Variants in TTC17 observed in about 807,000 individuals in gnomAD.
TTC17 encodes tetratricopeptide repeat domain 17.
A neutral mutation model predicts 143.8 loss-of-function variants in TTC17; 58 were observed. The ratio of observed to expected loss-of-function variants is 0.40; its 90% CI spans 0.33 to 0.50. The LOEUF is 0.50. TTC17 is among the 20% of genes least tolerant of loss of function. TTC17 has a pLI of 0.49. For synonymous variants in TTC17, 501 were observed against 497.8 expected, an observed-to-expected ratio of 1.01 and a Z score of -0.09; for missense variants, 1,273 against 1,392.5, an observed-to-expected ratio of 0.91 and a Z score of 1.37.
chr11:43,436,484 A>G, intron 16 of TTC17: 1 of 634,986 alleles, frequency 1.6e-6, no homozygotes, highest in South Asian at 8.3e-5. Flanking sequence ...GTGGTGAGGC[A>G]GAAGACAAGC....
intron 21 of TTC17, chr11:43,466,615 T>C: frequency 3.3e-6 from 1 of 307,650 alleles, no homozygotes; most frequent in Non-Finnish European, 6.6e-6. Flanking sequence ...GGCAAGTCCA[T>C]CTACGGGGAT....
chr11:43,437,037 T>C (rs1947308604), intron 16 of TTC17, among the ~76,000 whole-genome samples: 1 of 152,210 alleles, frequency 6.6e-6, no homozygotes, highest in Non-Finnish European at 1.5e-5. Flanking sequence ...CAAATACCCT[T>C]GACTACACCA....
At chr11:43,441,852 C>G (rs1947428652) in intron 16 of TTC17, among the ~76,000 whole-genome samples, 1 of 152,148 alleles carries the variant, frequency 6.6e-6, no homozygotes, top group African/African-American at 2.4e-5. Context: ...ATGGTAGGAG[C>G]ACAAGGAAGC....
intron 21 of TTC17, among the ~76,000 whole-genome samples, chr11:43,477,773 A>G (rs572928234): frequency 1.3e-5 from 2 of 152,358 alleles, no homozygotes; most frequent in Admixed American, 1.3e-4. Flanking sequence ...CAATGTAGAT[A>G]TAATTAAAAG....
rs549073494 is a variant in TTC17 at position 43,455,630 on chromosome 11, T to G, written c.3030+4365T>G. Among the ~76,000 whole-genome samples the G allele has an allele frequency of 3.9e-5, 6 of 152,072 alleles. No individual in the cohort carries two copies. In the East Asian group the frequency reaches 7.7e-4, roughly 20 times the overall value. ...AATAATATTTTTTAGAAAACTACAA[T>G]GCAGAAAAAATGCTGCACTGTAGTT... On this transcript the variant is annotated intron_variant, in intron 21 of 23. Coordinates refer to ENST00000039989, the MANE Select transcript of TTC17 (RefSeq NM_018259.6).
At chr11:43,450,279 C>T (rs895898716) in intron 20 of TTC17, 38 bp downstream of exon 20, 2 of 1,592,884 alleles carry the variant, frequency 1.3e-6, no homozygotes, top group Non-Finnish European at 1.7e-6. Context: ...TTTTTAGCCT[C>T]ACAGTTAGGA....
chr11:43,392,157 C>T (rs1366483863), intron 5 of TTC17, among the ~76,000 whole-genome samples: 1 of 152,138 alleles, frequency 6.6e-6, no homozygotes, highest in Non-Finnish European at 1.5e-5. Context: ...GGAAGAGATG[C>T]TGGAAAGTTT....
intron 2 of TTC17, among the ~76,000 whole-genome samples, chr11:43,381,438 C>CAGT (rs1160550434): frequency 6.6e-6 from 1 of 152,080 alleles, no homozygotes; most frequent in Non-Finnish European, 1.5e-5. Context: ...AGGGAGCTGA[C>CAGT]AGTATTCCAT....
At chr11:43,455,926 C>T (rs956059908) in intron 21 of TTC17, among the ~76,000 whole-genome samples, 9 of 152,080 alleles carry the variant, frequency 5.9e-5, no homozygotes, top group Non-Finnish European at 1.2e-4. Context: ...TAACCTATTT[C>T]TCTTGTTAAC....
chr11:43,381,361 C>T (rs985452802), intron 2 of TTC17, among the ~76,000 whole-genome samples: 12 of 152,138 alleles, frequency 7.9e-5, no homozygotes, highest in East Asian at 3.9e-4. Flanking sequence ...CCAAAGCTAC[C>T]GACCTTTTGG....
chr11:43,409,927 C>T (rs750986054), intron 15 of TTC17, among the ~76,000 whole-genome samples: 14 of 151,544 alleles, frequency 9.2e-5, no homozygotes, highest in African/African-American at 1.7e-4. Flanking sequence ...CTGCAAGCTT[C>T]GCCACCCAGG....
Position 43,405,965 on chromosome 11 carries a change from A to T in TTC17, c.1761+14A>T, listed in dbSNP as rs371414444. 10 of 1,608,474 alleles carry T rather than the reference A, an allele frequency of 6.2e-6. No homozygotes were observed. Among genetic ancestry groups the T allele is most frequent in the Non-Finnish European group, 8.5e-6 (10 of 1,178,398 alleles). ...CATGCACGAAAAGTAAGGCTCACTT[A>T]GGCTGGTATTTATTGCCGTCCATTC... On this transcript the variant is annotated intron_variant, in intron 13 of 23. Transcript: ENST00000039989.
At chr11:43,427,117 A>G (rs1947047495) in intron 16 of TTC17, among the ~76,000 whole-genome samples, 1 of 152,186 alleles carries the variant, frequency 6.6e-6, no homozygotes, top group East Asian at 1.9e-4. Context: ...ACCTATACCA[A>G]TGCAAAGGAC....
intron 15 of TTC17, among the ~76,000 whole-genome samples, chr11:43,409,932 C>T (rs1590374445): frequency 1.3e-5 from 2 of 151,754 alleles, no homozygotes; most frequent in South Asian, 4.2e-4. Context: ...AGCTTCGCCA[C>T]CCAGGTTCAA....
chr11:43,430,294 G>T (rs886234277), intron 16 of TTC17, among the ~76,000 whole-genome samples: 1 of 152,104 alleles, frequency 6.6e-6, no homozygotes, highest in South Asian at 2.1e-4. Context: ...CAGGTGTGGT[G>T]GCGTGCACCT....
chr11:43,428,628 C>T (rs1229408463), intron 16 of TTC17, among the ~76,000 whole-genome samples: 1 of 152,336 alleles, frequency 6.6e-6, no homozygotes, highest in African/African-American at 2.4e-5. Flanking sequence ...TAAAAGGCAG[C>T]AGGGCATATG....
intron 22 of TTC17, chr11:43,491,756 C>A: frequency 2.3e-6 from 1 of 444,212 alleles, no homozygotes. Flanking sequence ...CTACATTATT[C>A]AGCAGATTGT....
chr11:43,436,373 ATCAAC>A, intron 16 of TTC17: 1 of 1,240,606 alleles, frequency 8.1e-7, no homozygotes, highest in Non-Finnish European at 1.0e-6. Flanking sequence ...CTGGGGAAAA[ATCAAC>A]TCTCAAGCTT....
At position 43,379,340 on chromosome 11, in the gene TTC17, G is replaced by A. The variant is rs1291533131; in HGVS notation, c.249+18G>A. On this transcript the variant is annotated intron_variant, in intron 2 of 23. Coordinates refer to ENST00000039989, the MANE Select transcript of TTC17 (RefSeq NM_018259.6). ...AATTAGAGGTGAGGCAACTGGGCAT[G>A]TGAGATGCAGCTGATGCTTGTTGCA... 3.1e-6 allele frequency: 5 copies of A among 1,597,190 alleles called. No homozygotes were observed. Among genetic ancestry groups the A allele is most frequent in the Admixed American group, 1.7e-5 (1 of 58,344 alleles).
Sources: gnomAD v4.1 joint callset for allele counts (sites outside exome capture counted in the v4.1 genomes callset) on GRCh38, gnomAD v4.1.1 for gene constraint, MANE v1.5 for transcripts, NCBI Gene and HGNC (gene_info 2026-07-23, HGNC 2026-07-21) for gene names.